UTP20: variants seen among roughly 807,000 people sequenced by gnomAD.
The protein encoded by UTP20 is UTP20 small subunit processome component.
UTP20 carries 164 observed loss-of-function variants against 329.5 expected under a neutral mutation model. The observed-to-expected ratio is 0.50, with a 90% CI of 0.44 to 0.57. The LOEUF (loss-of-function observed/expected upper bound fraction) is 0.57, where lower values mean the gene tolerates loss of function less well. Ranked by LOEUF, UTP20 falls within the 20% of genes least tolerant of loss-of-function variation. UTP20 has a pLI of 0.00. For synonymous variants in UTP20, 1,151 were observed against 1,159.3 expected (o/e 0.99, Z 0.14); for missense variants, 3,055 against 3,284.2 (o/e 0.93, Z 1.71).
chr12:101,329,479 A>C (rs1868683327), intron 27 of UTP20, 30 bp downstream of exon 27: 5 of 1,581,216 alleles, frequency 3.2e-6, no homozygotes, highest in Non-Finnish European at 4.3e-6. Flanking sequence ...CTTTCAAGTC[A>C]AGTGCTTGAA....
intron 14 of UTP20, among the ~76,000 whole-genome samples, chr12:101,302,032 G>A (rs1872534267): frequency 6.6e-6 from 1 of 152,162 alleles, no homozygotes; most frequent in Admixed American, 6.5e-5. Flanking sequence ...CCAGGCTGAA[G>A]CAATCCTCCC....
At chr12:101,384,418 A>G (rs1485593466) in intron 60 of UTP20, among the ~76,000 whole-genome samples, 1 of 152,114 alleles carries the variant, frequency 6.6e-6, no homozygotes, top group Non-Finnish European at 1.5e-5. Context: ...GTGCACAACT[A>G]TAATTGCAGC....
chr12:101,293,952 G>A (rs1453983012), intron 11 of UTP20, among the ~76,000 whole-genome samples: 1 of 151,998 alleles, frequency 6.6e-6, no homozygotes, highest in Admixed American at 6.6e-5. Context: ...AGACAAACCA[G>A]GTTAAATGGC....
At chr12:101,336,593 C>T (rs1222413057) in intron 29 of UTP20, among the ~76,000 whole-genome samples, 4 of 152,152 alleles carry the variant, frequency 2.6e-5, no homozygotes, top group African/African-American at 9.7e-5. Context: ...TTCTAGTCAC[C>T]ACAGCCCCAG....
chr12:101,326,159 G>A (rs1367922760), intron 25 of UTP20, among the ~76,000 whole-genome samples: 3 of 152,106 alleles, frequency 2.0e-5, no homozygotes, highest in East Asian at 1.9e-4. Flanking sequence ...TACCAGGAAC[G>A]ATTAATCTGT....
chr12:101,346,534 G>C lies in UTP20; in HGVS notation c.4830G>C (p.Gln1610His), dbSNP rs778713790. The change falls in exon 38 of 62, where the codon CAG becomes CAC. Residue 1610 changes from glutamine (Q) to histidine (H), a missense_variant. By Grantham distance (24) the Gln-to-His change is conservative. This residue lies in a region of UTP20 where 2,445 missense variants were observed against 2,575.5 expected (regional missense o/e 0.95). Coordinates refer to ENST00000261637, the MANE Select transcript of UTP20 (RefSeq NM_014503.3). ...GKVVLSSKSL[Q>H]NYIMPYAMTP... ...TTGTTCTGTCTTCTAAATCTCTTCA[G>C]AATTACATCATGCCTTATGCCATGA... is the stretch of plus-strand genomic sequence containing the variant. 9 of 1,609,716 alleles carry C rather than the reference G, an allele frequency of 5.6e-6. 1 individual carries two copies. In the South Asian group the frequency reaches 1.0e-4, roughly 18 times the overall value.
intron 14 of UTP20, 148 bp downstream of exon 14, chr12:101,300,209 T>C: frequency 1.2e-6 from 1 of 821,730 alleles, no homozygotes; most frequent in Admixed American, 2.4e-5. Context: ...GAGGATATGA[T>C]GGGCATGTCT....
chr12:101,351,870 G>T (rs745910805), intron 38 of UTP20, among the ~76,000 whole-genome samples, 185 bp from the exon 39 acceptor site: 2 of 152,138 alleles, frequency 1.3e-5, no homozygotes, highest in African/African-American at 4.8e-5. Context: ...TTTAAAGAAT[G>T]ATGTCATTCC....
chr12:101,299,068 C>T (rs568586142), intron 12 of UTP20, among the ~76,000 whole-genome samples: 1 of 152,082 alleles, frequency 6.6e-6, no homozygotes, highest in African/African-American at 2.4e-5. Flanking sequence ...AGATTTTTGT[C>T]TTTCAAATAG....
At position 101,353,637 on chromosome 12, in the gene UTP20, G is replaced by A. The variant is rs1044792536; in HGVS notation, c.5107+508G>A. ...GATCAGTGGAGCCTAGGAGCTGGCTGCAGTGAGCTATGATCACCATAGCAC... is the reference window on the plus strand; with the variant it reads ...GATCAGTGGAGCCTAGGAGCTGGCTACAGTGAGCTATGATCACCATAGCAC... On this transcript the variant is annotated intron_variant, in intron 40 of 61. Coordinates refer to ENST00000261637, the MANE Select transcript of UTP20 (RefSeq NM_014503.3). Among the ~76,000 whole-genome samples, 19 of 152,284 alleles carry A rather than the reference G, an allele frequency of 1.2e-4. No individual in the cohort carries two copies. The East Asian group carries it at 3.1e-3, about 25-fold the overall frequency.
Position 101,338,810 on chromosome 12 carries a change from C to A in UTP20, c.3869-3C>A. The A allele has an allele frequency of 6.3e-7, 1 of 1,593,452 alleles. No individual in the cohort carries two copies. The highest frequency in any genetic ancestry group is 1.1e-5 in the South Asian group (1 of 87,128). On this transcript the variant is annotated splice_polypyrimidine_tract_variant and splice_region_variant and intron_variant, in intron 30 of 61. Transcript: ENST00000261637. ...AATCAAATCAAATCACTATCTATTT[C>A]AGAGTCTATCACAATAGGAGGAAGA...
At chr12:101,357,950 T>A (rs1307780698) in intron 43 of UTP20, among the ~76,000 whole-genome samples, 4 of 152,122 alleles carry the variant, frequency 2.6e-5, no homozygotes, top group Non-Finnish European at 5.9e-5. Flanking sequence ...CCTGGGTGAT[T>A]TAAAGTTTGA....
chr12:101,294,238 T>C lies in UTP20; in HGVS notation c.1251+993T>C, dbSNP rs1872271868. Among the ~76,000 whole-genome samples, 6 of 152,240 alleles carry C rather than the reference T, an allele frequency of 3.9e-5. No homozygotes were observed. The South Asian group carries it at 1.2e-3, about 32-fold the overall frequency. On this transcript the variant is annotated intron_variant, in intron 11 of 61. Transcript: ENST00000261637. The stretch of plus-strand genomic sequence containing the variant: ...TTTTAGTGGAGATGGGGTTTCACCA[T>C]GTTAGCCAGGATGGTCTTGATCTCC...
chr12:101,316,976 G>A (rs1872990264), intron 21 of UTP20, among the ~76,000 whole-genome samples: 1 of 152,066 alleles, frequency 6.6e-6, no homozygotes. Flanking sequence ...GTCATGTTGT[G>A]GCTGCTCAAA....
Position 101,285,819 on chromosome 12 carries a change from A to G in UTP20, c.264A>G (p.Ile88Met), listed in dbSNP as rs1474140212. The G allele has an allele frequency of 6.2e-7, 1 of 1,613,808 alleles. No individual in the cohort carries two copies. Among genetic ancestry groups the G allele is most frequent in the Admixed American group, 1.7e-5 (1 of 59,992 alleles). The change falls in exon 4 of 62, where the codon ATA becomes ATG. Residue 88 changes from isoleucine to methionine, a missense_variant. By Grantham distance (10) the Ile-to-Met change is conservative. Transcript: ENST00000261637. Reference sequence around the variant, plus strand: ...AGTTGGTGTATCACCAAAACGAGATAGTTCAGAGTTTGAAGACTCACCTGC... The same window carrying G: ...AGTTGGTGTATCACCAAAACGAGATGGTTCAGAGTTTGAAGACTCACCTGC... ...FNQLVYHQNEIVQSLKTHLQV... is the reference protein window; with the variant it reads ...FNQLVYHQNEMVQSLKTHLQV...
chr12:101,288,613 G>T (rs1009219891), intron 5 of UTP20, among the ~76,000 whole-genome samples: 1 of 152,188 alleles, frequency 6.6e-6, no homozygotes, highest in South Asian at 2.1e-4. Flanking sequence ...TCATGACCAT[G>T]ATCATTTCCA....
At chr12:101,338,728 T>G (rs577562850) in intron 30 of UTP20, 85 bp from the exon 31 acceptor site, 2 of 1,172,530 alleles carry the variant, frequency 1.7e-6, no homozygotes, top group South Asian at 3.8e-5. Context: ...AGTGGTTGAG[T>G]GCTTTTCTTA....
Position 101,331,382 on chromosome 12 carries a change from T to G in UTP20, c.3418-1919T>G, listed in dbSNP as rs191079690. Among the ~76,000 whole-genome samples the G allele has an allele frequency of 1.4e-3, 219 of 152,346 alleles. 1 individual carries two copies. Among genetic ancestry groups the G allele is most frequent in the African/African-American group, 4.4e-3 (185 of 41,576 alleles). On this transcript the variant is annotated intron_variant, in intron 27 of 61. Coordinates refer to ENST00000261637, the MANE Select transcript of UTP20 (RefSeq NM_014503.3). ...TTTTTTCAAATATCAGGGATAATTT[T>G]TATCTTTCACTAAACTTGATGCAGC...
At chr12:101,340,471 A>G in intron 31 of UTP20, 52 bp from the exon 32 acceptor site, 1 of 1,152,146 alleles carries the variant, frequency 8.7e-7, no homozygotes. Flanking sequence ...TTAACTTCTT[A>G]GAGAAATATC....
Sources: allele counts gnomAD v4.1 joint callset (sites outside exome capture counted in the v4.1 genomes callset), GRCh38; gene constraint gnomAD v4.1.1; regional missense constraint gnomAD v4.1.1; transcripts MANE v1.5; gene names NCBI Gene and HGNC (gene_info 2026-07-23, HGNC 2026-07-21).